The following NXPH1 variants were observed in gnomAD, a reference collection of about 807,000 sequenced individuals.
NXPH1 encodes the protein neurexophilin 1, also known as neurexophilin-1.
Under a neutral mutation model 23.7 loss-of-function variants are expected in NXPH1, and 5 were observed. The ratio of observed to expected loss-of-function variants is 0.21; its 90% confidence interval spans 0.11 to 0.44. The LOEUF is 0.44. Ranked by LOEUF, NXPH1 falls within the 20% of genes least tolerant of loss-of-function variation. The pLI is 0.99. For synonymous variants in NXPH1, 144 were observed against 122.2 expected (o/e 1.18, Z -1.18); for missense variants, 324 against 321.6 (o/e 1.01, Z -0.06).
chr7:8,483,278 T>C (rs960634138), intron 2 of NXPH1, among the ~76,000 whole-genome samples: 6 of 152,174 alleles, frequency 3.9e-5, no homozygotes, highest in Non-Finnish European at 7.4e-5. Context: ...AATTATGAGG[T>C]TGAATTAGAA....
chr7:8,602,652 G>C (rs10252320), intron 2 of NXPH1, among the ~76,000 whole-genome samples: 5,315 of 152,154 alleles, frequency 0.035, 281 homozygotes, highest in East Asian at 0.17. Flanking sequence ...TTCTCTACTA[G>C]ATTTCAAGTC....
intron 2 of NXPH1, among the ~76,000 whole-genome samples, chr7:8,720,648 A>G (rs1432501363): frequency 6.6e-6 from 1 of 152,238 alleles, no homozygotes; most frequent in Non-Finnish European, 1.5e-5. Context: ...TCAGTAAAAC[A>G]ATTGAATATA....
intron 2 of NXPH1, among the ~76,000 whole-genome samples, chr7:8,467,748 A>C (rs78611372): frequency 0.016 from 2,443 of 152,272 alleles, 62 homozygotes; most frequent in African/African-American, 0.053. Context: ...GGTCAGTAAC[A>C]AGATAGCAAC....
At chr7:8,436,290 T>A (rs186062396) in intron 2 of NXPH1, among the ~76,000 whole-genome samples, 2 of 152,294 alleles carry the variant, frequency 1.3e-5, no homozygotes, top group Non-Finnish European at 2.9e-5. Context: ...TAAGTTTAAC[T>A]ATCAGGGGTA....
intron 2 of NXPH1, among the ~76,000 whole-genome samples, chr7:8,554,823 G>T (rs1818331278): frequency 6.6e-6 from 1 of 151,638 alleles, no homozygotes; most frequent in African/African-American, 2.4e-5. Context: ...AGACTTTAAG[G>T]ATTTAAAAAA....
At chr7:8,659,865 C>T (rs1249966503) in intron 2 of NXPH1, among the ~76,000 whole-genome samples, 1 of 152,176 alleles carries the variant, frequency 6.6e-6, no homozygotes, top group Non-Finnish European at 1.5e-5. Flanking sequence ...CACAGCACAG[C>T]AGATAGTCTC....
chr7:8,468,702 T>A (rs1816822736), intron 2 of NXPH1, among the ~76,000 whole-genome samples: 1 of 152,076 alleles, frequency 6.6e-6, no homozygotes, highest in Admixed American at 6.6e-5. Flanking sequence ...AGTTTCTATG[T>A]TGCTTGCAGG....
intron 2 of NXPH1, among the ~76,000 whole-genome samples, chr7:8,604,260 T>C (rs1360477637): frequency 2.0e-5 from 3 of 152,158 alleles, no homozygotes; most frequent in Non-Finnish European, 4.4e-5. Context: ...TTCAATGTTC[T>C]CTGCAACCCT....
intron 2 of NXPH1, among the ~76,000 whole-genome samples, chr7:8,644,326 T>C (rs1794737779): frequency 6.6e-6 from 1 of 152,242 alleles, no homozygotes; most frequent in African/African-American, 2.4e-5. Flanking sequence ...TACCCATGAA[T>C]GTCCTGCTGT....
intron 2 of NXPH1, among the ~76,000 whole-genome samples, chr7:8,512,030 C>T (rs909854798): frequency 6.6e-6 from 1 of 152,120 alleles, no homozygotes; most frequent in African/African-American, 2.4e-5. Flanking sequence ...GATGCCAAAG[C>T]TCAAGATGCA....
At chr7:8,617,227 T>C (rs1335138109) in intron 2 of NXPH1, among the ~76,000 whole-genome samples, 2 of 152,000 alleles carry the variant, frequency 1.3e-5, no homozygotes, top group Admixed American at 1.3e-4. Flanking sequence ...GTTTTAGAGG[T>C]AAACTCAAGA....
At chr7:8,621,264 C>G (rs939841892) in intron 2 of NXPH1, among the ~76,000 whole-genome samples, 4 of 151,926 alleles carry the variant, frequency 2.6e-5, no homozygotes, top group Non-Finnish European at 5.9e-5. Context: ...GGCAGGTGAC[C>G]AGGAAGAAGT....
intron 2 of NXPH1, among the ~76,000 whole-genome samples, chr7:8,598,348 T>C (rs1308737176): frequency 3.9e-5 from 6 of 152,132 alleles, no homozygotes; most frequent in Admixed American, 2.0e-4. Context: ...TCCAAAATGC[T>C]TGATAAGTTG....
intron 2 of NXPH1, among the ~76,000 whole-genome samples, chr7:8,490,516 A>C (rs1481114536): frequency 1.3e-5 from 2 of 151,766 alleles, no homozygotes; most frequent in African/African-American, 4.8e-5. Flanking sequence ...TTTCATTCTC[A>C]TTTAACCTTC....
At chr7:8,652,660 T>G (rs1007988621) in intron 2 of NXPH1, among the ~76,000 whole-genome samples, 14 of 152,164 alleles carry the variant, frequency 9.2e-5, no homozygotes, top group Admixed American at 3.3e-4. Context: ...ATATGGAGCT[T>G]ATTTCTGGAG....
At chr7:8,569,573 C>A (rs1179163786) in intron 2 of NXPH1, among the ~76,000 whole-genome samples, 2 of 151,800 alleles carry the variant, frequency 1.3e-5, no homozygotes, top group Admixed American at 6.6e-5. Flanking sequence ...AGGGCAGGAG[C>A]AGTCATGAAT....
At chr7:8,482,316 C>T (rs1427138988) in intron 2 of NXPH1, among the ~76,000 whole-genome samples, 9 of 152,150 alleles carry the variant, frequency 5.9e-5, no homozygotes, top group African/African-American at 2.2e-4. Context: ...AGGGTGGCTT[C>T]ATTTCCCTTT....
At chr7:8,476,375 G>T (rs1389773247) in intron 2 of NXPH1, among the ~76,000 whole-genome samples, 1 of 151,950 alleles carries the variant, frequency 6.6e-6, no homozygotes, top group Non-Finnish European at 1.5e-5. Flanking sequence ...GCCTGGGTTT[G>T]TATCTTCATG....
intron 2 of NXPH1, among the ~76,000 whole-genome samples, chr7:8,540,977 T>A (rs1435302324): frequency 6.6e-6 from 1 of 151,756 alleles, no homozygotes; most frequent in Non-Finnish European, 1.5e-5. Context: ...AGTATATTTA[T>A]TGAAATCCAA....
Sources: gnomAD v4.1 joint callset for allele counts (sites outside exome capture counted in the v4.1 genomes callset) on GRCh38, gnomAD v4.1.1 for gene constraint, MANE v1.5 for transcripts, NCBI Gene and HGNC (gene_info 2026-07-23, HGNC 2026-07-21) for gene names.